Variants in CACNG3 observed in about 807,000 individuals in gnomAD.
The protein encoded by CACNG3 is calcium voltage-gated channel auxiliary subunit gamma 3.
CACNG3 carries 3 observed loss-of-function variants against 28.5 expected under a neutral mutation model. That is an observed-to-expected ratio of 0.11 (90% CI 0.05 to 0.27). The LOEUF (loss-of-function observed/expected upper bound fraction) is 0.27, where lower values mean the gene tolerates loss of function less well. Among genes scored for constraint, CACNG3 ranks in the 10% least tolerant of loss-of-function variants. The pLI, the probability that CACNG3 is intolerant of heterozygous loss-of-function variation, is 1.00. For missense variants in CACNG3, 236 were observed against 414.4 expected (o/e 0.57, Z 3.74); for synonymous variants, 174 against 162.2 (o/e 1.07, Z -0.55).
chr16:24,270,827 T>C (rs953232515), intron 1 of CACNG3, among the ~76,000 whole-genome samples: 1 of 152,208 alleles, frequency 6.6e-6, no homozygotes, highest in Non-Finnish European at 1.5e-5. Flanking sequence ...CAAGGTAGGC[T>C]TCTCTGAGAA....
chr16:24,354,740 G>A, intron 2 of CACNG3, 93 bp from the exon 3 acceptor site: 1 of 1,279,388 alleles, frequency 7.8e-7, no homozygotes, highest in Non-Finnish European at 1.1e-6. Flanking sequence ...CTCTTCCTGT[G>A]CTGCCTTCCT....
In CACNG3 at chr16:24,359,857, T is replaced by G. The variant is rs181448183; in HGVS notation, c.437-1495T>G. On this transcript the variant is annotated intron_variant, in intron 3 of 3. Transcript: ENST00000005284. ...CAGCCTGGGTAAGAGAGCAAGATCC[T>G]ATCTCTAAAAACAAAACAAAACAAA... Among the ~76,000 whole-genome samples the G allele has an allele frequency of 2.7e-3, 401 of 150,708 alleles. 3 individuals are homozygous for G. Among genetic ancestry groups the G allele is most frequent in the South Asian group, 8.4e-3 (39 of 4,636 alleles).
At chr16:24,304,318 A>G (rs1899155283) in intron 1 of CACNG3, among the ~76,000 whole-genome samples, 1 of 152,200 alleles carries the variant, frequency 6.6e-6, no homozygotes, top group Admixed American at 6.5e-5. Context: ...CATAGGAAAG[A>G]GTATTACCTT....
rs9935619 is a variant in CACNG3 at position 24,319,311 on chromosome 16, G to A, written c.212-27423G>A. Among the ~76,000 whole-genome samples, 1,219 of 152,342 alleles carry A rather than the reference G, an allele frequency of 8.0e-3. 16 individuals carry two copies. The highest frequency in any genetic ancestry group is 0.028 in the African/African-American group (1,162 of 41,568). The stretch of plus-strand genomic sequence containing the variant: ...TTAAAGGAAAAATCAGGGGGATTGT[G>A]TAATTGTTTTGAGATAGTTATCCTT... On this transcript the variant is annotated intron_variant, in intron 1 of 3. Transcript: ENST00000005284.
At chr16:24,346,926 T>C in intron 2 of CACNG3, 109 bp downstream of exon 2, 1 of 826,858 alleles carries the variant, frequency 1.2e-6, no homozygotes, top group Admixed American at 2.1e-5. Context: ...TAGAAATAGA[T>C]AAGTGCAAAG....
chr16:24,312,705 C>A (rs945851760), intron 1 of CACNG3, among the ~76,000 whole-genome samples: 1 of 151,702 alleles, frequency 6.6e-6, no homozygotes, highest in Non-Finnish European at 1.5e-5. Context: ...GCAGTCCCAG[C>A]TACTTGGGAG....
At chr16:24,301,738 T>C (rs1472565306) in intron 1 of CACNG3, among the ~76,000 whole-genome samples, 1 of 152,300 alleles carries the variant, frequency 6.6e-6, no homozygotes, top group Non-Finnish European at 1.5e-5. Flanking sequence ...ATAAAAACCA[T>C]ACTTCCTTCC....
chr16:24,263,603 G>A (rs960517872), intron 1 of CACNG3, among the ~76,000 whole-genome samples: 5 of 152,156 alleles, frequency 3.3e-5, no homozygotes, highest in African/African-American at 1.2e-4. Flanking sequence ...GGCTTTGGGA[G>A]CAGGTGGACC....
chr16:24,317,198 CTG>C (rs1801657150), intron 1 of CACNG3, among the ~76,000 whole-genome samples: 1 of 152,002 alleles, frequency 6.6e-6, no homozygotes, highest in Non-Finnish European at 1.5e-5. Flanking sequence ...ATTGAGGAAA[CTG>C]AAGCTTAGAG....
chr16:24,330,795 A>G (rs576785295), intron 1 of CACNG3, among the ~76,000 whole-genome samples: 1 of 152,302 alleles, frequency 6.6e-6, no homozygotes, highest in African/African-American at 2.4e-5. Context: ...AAACAGGATG[A>G]GTTCTTCATG....
At chr16:24,271,037 C>T (rs1463260760) in intron 1 of CACNG3, among the ~76,000 whole-genome samples, 1 of 152,084 alleles carries the variant, frequency 6.6e-6, no homozygotes, top group African/African-American at 2.4e-5. Context: ...TAGTGCAGGC[C>T]GGGTCATGTA....
Position 24,267,660 on chromosome 16 carries a change from T to C in CACNG3, c.211+10695T>C, listed in dbSNP as rs868390995. 2.0e-5 allele frequency among the ~76,000 whole-genome samples: 3 copies of C among 152,084 alleles called. No homozygotes were observed. In the South Asian group the frequency reaches 6.3e-4, roughly 32 times the overall value. On this transcript the variant is annotated intron_variant, in intron 1 of 3. Transcript: ENST00000005284. ...GCCTAGCAATGATTATTGTGGTAGA[T>C]TGTGCATTCATTTGTTTGTTTGTTT...
chr16:24,351,661 C>CGAAAGAAAGAAA lies in CACNG3; in HGVS notation c.296-3160_296-3149dup, dbSNP rs146309041. 7.7e-3 allele frequency among the ~76,000 whole-genome samples: 852 copies of CGAAAGAAAGAAA among 111,088 alleles called. 7 individuals carry two copies. The highest frequency in any genetic ancestry group is 8.6e-3 in the Non-Finnish European group (508 of 58,762). 72.9% of individuals were successfully genotyped at this position (111,088 alleles called of 152,430 possible). Reference sequence around the variant, plus strand: ...GGGGAAGGGGAGGGGGAAAGACAGACGAAAGAAAGAAAGAAAGAAAGAAGG... The same window carrying CGAAAGAAAGAAA: ...GGGGAAGGGGAGGGGGAAAGACAGACGAAAGAAAGAAAGAAAGAAAGAAAGAAAGAAAGAAGG... On this transcript the variant is annotated intron_variant, in intron 2 of 3. Transcript: ENST00000005284.
At chr16:24,330,078 G>C in intron 1 of CACNG3, among the ~76,000 whole-genome samples, 1 of 152,146 alleles carries the variant, frequency 6.6e-6, no homozygotes, top group South Asian at 2.1e-4. Flanking sequence ...AACTGGTAGT[G>C]TCTGGTAATG....
intron 1 of CACNG3, among the ~76,000 whole-genome samples, chr16:24,327,593 C>T (rs1039530612): frequency 1.7e-4 from 25 of 149,532 alleles, no homozygotes; most frequent in African/African-American, 6.2e-4. Flanking sequence ...GCACTCCAGC[C>T]TCAGTGACAT....
At chr16:24,317,642 GA>G (rs200602369) in intron 1 of CACNG3, among the ~76,000 whole-genome samples, 803 of 33,556 alleles carry the variant, frequency 0.024, 42 homozygotes, top group South Asian at 0.032. Context: ...CAGAAAGAAA[GA>G]AAAGAAAAGA....
intron 2 of CACNG3, among the ~76,000 whole-genome samples, chr16:24,354,245 T>C (rs2283557): frequency 0.48 from 72,229 of 152,048 alleles, 18,133 homozygotes; most frequent in African/African-American, 0.63. Context: ...ATTTTTTCTG[T>C]GATCGCTCTC....
intron 1 of CACNG3, among the ~76,000 whole-genome samples, chr16:24,325,797 G>C (rs542213026): frequency 2.0e-5 from 3 of 152,350 alleles, no homozygotes; most frequent in Admixed American, 6.5e-5. Context: ...ACTATTACAT[G>C]GTTAGAGCTT....
At chr16:24,303,748 T>C (rs1399955121) in intron 1 of CACNG3, among the ~76,000 whole-genome samples, 1 of 151,972 alleles carries the variant, frequency 6.6e-6, no homozygotes, top group Non-Finnish European at 1.5e-5. Flanking sequence ...CCAAACCTCA[T>C]CTCTACCAAA....
Sources: allele counts gnomAD v4.1 joint callset (sites outside exome capture counted in the v4.1 genomes callset), GRCh38; gene constraint gnomAD v4.1.1; transcripts MANE v1.5; gene names NCBI Gene and HGNC (gene_info 2026-07-23, HGNC 2026-07-21).